Variants in PRKN observed in about 807,000 individuals in gnomAD.
PRKN encodes parkin RBR E3 ubiquitin protein ligase.
A neutral mutation model predicts 59.5 loss-of-function variants in PRKN; 56 were observed. The observed-to-expected ratio is 0.94, with a 90% confidence interval of 0.76 to 1.18. The LOEUF is 1.18. Ranked by LOEUF, PRKN falls within the 50% of genes most tolerant of loss-of-function variation. The probability of loss-of-function intolerance (pLI) is 0.00; values close to 1 mark genes in which losing one functional copy is unlikely to be tolerated. For missense variants in PRKN, 657 were observed against 596.4 expected (o/e 1.10, Z -1.06); for synonymous variants, 250 against 222.1 (o/e 1.13, Z -1.12).
At chr6:161,426,722 A>T (rs1788380557) in intron 9 of PRKN, among the ~76,000 whole-genome samples, 1 of 150,048 alleles carries the variant, frequency 6.7e-6, no homozygotes. Context: ...ATAGTTATTT[A>T]TTTATTTATT....
intron 6 of PRKN, among the ~76,000 whole-genome samples, chr6:161,841,151 A>G (rs964193293): frequency 1.3e-5 from 2 of 152,236 alleles, no homozygotes; most frequent in Non-Finnish European, 2.9e-5. Context: ...AAGCAAAGCC[A>G]TGGAATCAAT....
chr6:162,475,564 TGTGAGTGTGTGTGTGCATGA>T (rs1281635950), intron 1 of PRKN, among the ~76,000 whole-genome samples: 1 of 147,752 alleles, frequency 6.8e-6, no homozygotes, highest in Non-Finnish European at 1.5e-5. Context: ...TGTGTATGCA[TGTGAGTGTGTGTGTGCATGA>T]GTGTGTGTGT....
rs1780177955 is a variant in PRKN, at chr6:161,554,939, T to A, written c.934-5936A>T. Among the ~76,000 whole-genome samples, 2 of 152,084 alleles carry A rather than the reference T, an allele frequency of 1.3e-5. No individual in the cohort carries two copies. The highest frequency in any genetic ancestry group is 4.1e-4 in the South Asian group (2 of 4,824). On this transcript the variant is annotated intron_variant, in intron 8 of 11. Transcript: ENST00000366898. The surrounding 1 kb of genome is among the most constrained non-coding windows in gnomAD (Gnocchi z 4.5). ...CCATTTCTTTAGAATCCAGGAATTT[T>A]GTTAGAGTATATCTTGGTGCTGGTC...
At chr6:162,115,131 G>A (rs1277340523) in intron 4 of PRKN, among the ~76,000 whole-genome samples, 1 of 152,124 alleles carries the variant, frequency 6.6e-6, no homozygotes, top group Non-Finnish European at 1.5e-5. Context: ...TTAAGGAAAT[G>A]TGGCACATAT....
At chr6:162,205,390 T>C (rs1784895413) in intron 3 of PRKN, among the ~76,000 whole-genome samples, 1 of 152,162 alleles carries the variant, frequency 6.6e-6, no homozygotes, top group Non-Finnish European at 1.5e-5. Context: ...TTTTAGATAA[T>C]AGGCTTAAGG....
At chr6:162,144,244 A>G (rs2128311694) in intron 4 of PRKN, among the ~76,000 whole-genome samples, 1 of 152,326 alleles carries the variant, frequency 6.6e-6, no homozygotes, top group Middle Eastern at 3.4e-3. Flanking sequence ...CAAATCTCCA[A>G]TAAATTAATA....
intron 6 of PRKN, among the ~76,000 whole-genome samples, chr6:161,955,066 C>T (rs541050437): frequency 2.0e-5 from 3 of 152,286 alleles, no homozygotes; most frequent in African/African-American, 7.2e-5. Flanking sequence ...TTTAAGCAGT[C>T]TCGGAGGAAG....
chr6:161,968,455 G>A (rs1326501707), intron 6 of PRKN, among the ~76,000 whole-genome samples: 1 of 152,128 alleles, frequency 6.6e-6, no homozygotes, highest in Admixed American at 6.5e-5. Flanking sequence ...ACCCCATCAT[G>A]GCTGGAACTC....
intron 1 of PRKN, chr6:162,569,110 T>C (rs1780206770): frequency 3.0e-6 from 2 of 660,316 alleles, no homozygotes; most frequent in Non-Finnish European, 5.6e-6. Flanking sequence ...AGGCGTAGTA[T>C]GAGGAGATCA....
At chr6:162,268,777 G>A (rs1392078774) in intron 2 of PRKN, among the ~76,000 whole-genome samples, 3 of 152,260 alleles carry the variant, frequency 2.0e-5, no homozygotes, top group East Asian at 3.9e-4. Flanking sequence ...AGAGGAAGTG[G>A]AGACTTGGAT....
At chr6:162,336,907 A>T (rs73026889) in intron 2 of PRKN, among the ~76,000 whole-genome samples, 1 of 152,312 alleles carries the variant, frequency 6.6e-6, no homozygotes, top group Non-Finnish European at 1.5e-5. Flanking sequence ...AATTGTTTTC[A>T]TCACTGGGGG....
chr6:162,683,086 C>G (rs1449714647), intron 1 of PRKN, among the ~76,000 whole-genome samples: 1 of 152,024 alleles, frequency 6.6e-6, no homozygotes, highest in Non-Finnish European at 1.5e-5. Flanking sequence ...AATGAACACG[C>G]ATTATTATGA....
chr6:162,387,531 AACACACAC>A (rs1157932001), intron 2 of PRKN, among the ~76,000 whole-genome samples: 1 of 121,922 alleles, frequency 8.2e-6, no homozygotes, highest in Admixed American at 8.7e-5. Context: ...CCCTCCTCAC[AACACACAC>A]ACACACACAC....
At chr6:162,513,618 T>G (rs1777724353) in intron 1 of PRKN, among the ~76,000 whole-genome samples, 1 of 152,132 alleles carries the variant, frequency 6.6e-6, no homozygotes, top group Non-Finnish European at 1.5e-5. Flanking sequence ...ATGACTGGAC[T>G]GTCAAAGTTC....
intron 6 of PRKN, among the ~76,000 whole-genome samples, chr6:161,860,501 T>C (rs2155486): frequency 2.0e-5 from 3 of 152,024 alleles, no homozygotes; most frequent in Admixed American, 6.5e-5. Context: ...AAACAACTCA[T>C]TGGACACCGT....
chr6:162,609,541 C>T (rs930378745), intron 1 of PRKN, among the ~76,000 whole-genome samples: 2 of 152,178 alleles, frequency 1.3e-5, no homozygotes, highest in African/African-American at 4.8e-5. Flanking sequence ...ATCACTAACA[C>T]TGATATCAAA....
At chr6:162,418,661 T>TGTGCGTGTG (rs1398856017) in intron 2 of PRKN, among the ~76,000 whole-genome samples, 1 of 145,658 alleles carries the variant, frequency 6.9e-6, no homozygotes, top group African/African-American at 2.6e-5. Flanking sequence ...TGCGTGTGTG[T>TGTGCGTGTG]TGAGGGGGGG....
At chr6:161,957,506 C>T (rs996875673) in intron 6 of PRKN, among the ~76,000 whole-genome samples, 2 of 150,612 alleles carry the variant, frequency 1.3e-5, no homozygotes, top group Non-Finnish European at 2.9e-5. Flanking sequence ...CTAACTGCAA[C>T]CTCCACCTCC....
At chr6:161,795,228 C>CTTTTTT (rs58319044) in intron 6 of PRKN, among the ~76,000 whole-genome samples, 10 of 128,412 alleles carry the variant, frequency 7.8e-5, no homozygotes, top group East Asian at 2.3e-4. Context: ...GTTTTCTTTT[C>CTTTTTT]TTTTTTTTTT....
Sources: allele counts gnomAD v4.1 joint callset (sites outside exome capture counted in the v4.1 genomes callset), GRCh38; gene constraint gnomAD v4.1.1; non-coding constraint Gnocchi (gnomAD v3.1); transcripts MANE v1.5; gene names NCBI Gene and HGNC (gene_info 2026-07-23, HGNC 2026-07-21).